VSTM2B: variants seen among roughly 807,000 people sequenced by gnomAD.
The protein encoded by VSTM2B is V-set and transmembrane domain-containing protein 2B.
A neutral mutation model predicts 24.0 loss-of-function variants in VSTM2B; 24 were observed. That is an observed-to-expected ratio of 1.00 (90% CI 0.72 to 1.40). The LOEUF (loss-of-function observed/expected upper bound fraction) is 1.40. Ranked by LOEUF, VSTM2B falls within the 40% of genes most tolerant of loss-of-function variation. The pLI is 0.00. For missense variants in VSTM2B, 399 were observed against 416.4 expected, an observed-to-expected ratio of 0.96 and a Z score of 0.36; for synonymous variants, 226 against 194.4, an observed-to-expected ratio of 1.16 and a Z score of -1.35.
intron 4 of VSTM2B, among the ~76,000 whole-genome samples, chr19:29,545,224 G>C (rs554633087): frequency 6.6e-6 from 1 of 152,154 alleles, no homozygotes; most frequent in African/African-American, 2.4e-5. Context: ...GGTGCGGGGA[G>C]AGAGGTAGCC....
intron 4 of VSTM2B, among the ~76,000 whole-genome samples, chr19:29,556,400 C>T (rs1329971688): frequency 4.6e-5 from 7 of 152,106 alleles, no homozygotes; most frequent in Admixed American, 6.5e-5. Context: ...TAATGAAAGC[C>T]GTTTATGACA....
intron 3 of VSTM2B, 78 bp from the exon 4 acceptor site, chr19:29,529,741 G>T: frequency 7.1e-7 from 1 of 1,400,490 alleles, no homozygotes; most frequent in Non-Finnish European, 9.8e-7. Flanking sequence ...CGCGGATGAG[G>T]GGGCGCGACG....
intron 4 of VSTM2B, among the ~76,000 whole-genome samples, chr19:29,554,828 T>A (rs1970371627): frequency 6.6e-6 from 1 of 152,206 alleles, no homozygotes; most frequent in African/African-American, 2.4e-5. Flanking sequence ...GGGCATTACA[T>A]AATGATAAAA....
chr19:29,559,159 A>G (rs1970476049), intron 4 of VSTM2B, among the ~76,000 whole-genome samples: 1 of 152,262 alleles, frequency 6.6e-6, no homozygotes, highest in Non-Finnish European at 1.5e-5. Flanking sequence ...AGACACATGC[A>G]CACATATGTT....
chr19:29,531,849 C>T lies in VSTM2B; in HGVS notation c.769+1559C>T, dbSNP rs149454660. On this transcript the variant is annotated intron_variant, in intron 4 of 4. Coordinates refer to ENST00000335523, the MANE Select transcript of VSTM2B (RefSeq NM_001146339.2). Reference sequence around the variant, plus strand: ...TTCCTCGTTCATATCAAGTCCTGCCCTGGAGTGCCCCAGGGCATGTGGCGG... The same window carrying T: ...TTCCTCGTTCATATCAAGTCCTGCCTTGGAGTGCCCCAGGGCATGTGGCGG... 5.7e-3 allele frequency among the ~76,000 whole-genome samples: 867 copies of T among 152,362 alleles called. 17 individuals carry two copies. The highest frequency in any genetic ancestry group is 0.019 in the African/African-American group (809 of 41,588).
At chr19:29,528,982 C>T in intron 3 of VSTM2B, 1 of 985,426 alleles carries the variant, frequency 1.0e-6, no homozygotes, top group Non-Finnish European at 1.2e-6. Flanking sequence ...TGCCAGGCTG[C>T]GAGGGGCCCG....
intron 4 of VSTM2B, among the ~76,000 whole-genome samples, chr19:29,552,446 G>A (rs944307080): frequency 2.0e-5 from 3 of 152,220 alleles, no homozygotes; most frequent in African/African-American, 4.8e-5. Context: ...GGGTGGTGCG[G>A]TGGCCCACCT....
chr19:29,529,218 G>A, intron 3 of VSTM2B: 1 of 812,962 alleles, frequency 1.2e-6, no homozygotes, highest in Non-Finnish European at 1.5e-6. Context: ...AAGGCGGGTT[G>A]GTAGCAGGTG....
chr19:29,550,723 G>A lies in VSTM2B; in HGVS notation c.770-13123G>A, dbSNP rs182297205. Among the ~76,000 whole-genome samples, 6 of 152,168 alleles carry A rather than the reference G, an allele frequency of 3.9e-5. No individual in the cohort carries two copies. In the East Asian group the frequency reaches 1.2e-3, roughly 29 times the overall value. On this transcript the variant is annotated intron_variant, in intron 4 of 4. Coordinates refer to ENST00000335523, the MANE Select transcript of VSTM2B (RefSeq NM_001146339.2). ...ACTACAGCGTCAGCCTATGAAATGAGCCTCCACTTAGCCAGGCTGCAAGAG... is the reference window on the plus strand; with the variant it reads ...ACTACAGCGTCAGCCTATGAAATGAACCTCCACTTAGCCAGGCTGCAAGAG...
At chr19:29,532,744 T>C (rs947894901) in intron 4 of VSTM2B, among the ~76,000 whole-genome samples, 2 of 152,214 alleles carry the variant, frequency 1.3e-5, no homozygotes, top group Non-Finnish European at 2.9e-5. Context: ...ACCCTGGTCA[T>C]TAGCTGCACT....
chr19:29,534,708 C>T (rs1351534893), intron 4 of VSTM2B, among the ~76,000 whole-genome samples: 2 of 124,684 alleles, frequency 1.6e-5, no homozygotes, highest in Admixed American at 8.4e-5. Context: ...AAGACTGAAA[C>T]TCTGTCTCAA....
chr19:29,561,325 T>TA (rs111623362), intron 4 of VSTM2B, among the ~76,000 whole-genome samples: 13,913 of 150,242 alleles, frequency 0.093, 1,308 homozygotes, highest in African/African-American at 0.24. Context: ...AAAATAAAAA[T>TA]AAAAAAAATT....
chr19:29,532,688 G>A (rs1328000372), intron 4 of VSTM2B, among the ~76,000 whole-genome samples: 1 of 152,214 alleles, frequency 6.6e-6, no homozygotes, highest in Non-Finnish European at 1.5e-5. Flanking sequence ...TGACCTCAGA[G>A]GGAGCTTGGT....
intron 4 of VSTM2B, among the ~76,000 whole-genome samples, chr19:29,532,709 C>T (rs1305112214): frequency 6.6e-6 from 1 of 152,182 alleles, no homozygotes; most frequent in African/African-American, 2.4e-5. Context: ...ATGGAAATTG[C>T]TGCACATATA....
intron 4 of VSTM2B, among the ~76,000 whole-genome samples, chr19:29,558,603 T>C (rs571688523): frequency 6.6e-6 from 1 of 152,196 alleles, no homozygotes; most frequent in African/African-American, 2.4e-5. Flanking sequence ...AGGAAACTAA[T>C]GCAAGAACAG....
At chr19:29,548,021 T>C (rs1357326115) in intron 4 of VSTM2B, among the ~76,000 whole-genome samples, 2 of 151,054 alleles carry the variant, frequency 1.3e-5, no homozygotes, top group Non-Finnish European at 3.0e-5. Flanking sequence ...AAGGATGGAG[T>C]GGTTATGAAG....
chr19:29,533,119 C>G (rs1969798920), intron 4 of VSTM2B, among the ~76,000 whole-genome samples: 1 of 152,262 alleles, frequency 6.6e-6, no homozygotes, highest in South Asian at 2.1e-4. Context: ...GTGGGCCAGT[C>G]AGTGCCCTTC....
intron 4 of VSTM2B, among the ~76,000 whole-genome samples, chr19:29,546,684 C>G (rs947042368): frequency 2.0e-5 from 3 of 151,188 alleles, no homozygotes; most frequent in African/African-American, 7.3e-5. Flanking sequence ...CCACCCCCAC[C>G]CCGGTGCTCA....
At chr19:29,549,868 A>C (rs1366006257) in intron 4 of VSTM2B, among the ~76,000 whole-genome samples, 1 of 152,034 alleles carries the variant, frequency 6.6e-6, no homozygotes, top group Non-Finnish European at 1.5e-5. Context: ...TGCACTCCTG[A>C]GCGGGCCCCA....
Sources: gnomAD v4.1 joint callset for allele counts (sites outside exome capture counted in the v4.1 genomes callset) on GRCh38, gnomAD v4.1.1 for gene constraint, MANE v1.5 for transcripts, NCBI Gene and HGNC (gene_info 2026-07-23, HGNC 2026-07-21) for gene names.